The following MLIP variants were observed in gnomAD, a reference collection of about 807,000 sequenced individuals.
The protein encoded by MLIP is muscular LMNA interacting protein.
In MLIP, 79 loss-of-function variants were observed where a neutral mutation model predicts 84.8. The observed-to-expected ratio is 0.93, with a 90% CI of 0.78 to 1.12. The LOEUF (loss-of-function observed/expected upper bound fraction) is 1.12. Among genes scored for constraint, MLIP ranks in the 50% most tolerant of loss-of-function variants. The pLI is 0.00. For synonymous variants in MLIP, 504 were observed against 463.0 expected (o/e 1.09, Z -1.14); for missense variants, 1,257 against 1,160.6 (o/e 1.08, Z -1.21).
chr6:54,040,075 T>C (rs1764658185), intron 1 of MLIP, among the ~76,000 whole-genome samples: 1 of 152,048 alleles, frequency 6.6e-6, no homozygotes, highest in Non-Finnish European at 1.5e-5. Flanking sequence ...TTGTCTCTCA[T>C]CATTTTTGAG....
intron 2 of MLIP, among the ~76,000 whole-genome samples, chr6:54,122,537 G>A (rs778153067): frequency 2.6e-5 from 4 of 152,282 alleles, no homozygotes; most frequent in Non-Finnish European, 5.9e-5. Context: ...GACACAATTA[G>A]AAAGGAGTAA....
upstream of MLIP, among the ~76,000 whole-genome samples, chr6:54,106,603 G>A (rs1028804): frequency 0.55 from 84,106 of 152,062 alleles, 25,171 homozygotes; most frequent in South Asian, 0.71. Flanking sequence ...ATTGATGAGC[G>A]ATTCTGAAAA....
chr6:54,019,596 T>C (rs1763386659), intron 1 of MLIP, among the ~76,000 whole-genome samples: 1 of 152,230 alleles, frequency 6.6e-6, no homozygotes, highest in Non-Finnish European at 1.5e-5. Flanking sequence ...CAATTAAATG[T>C]CAATGATTAA....
In MLIP at chr6:54,163,549, A is replaced by G. The variant is rs16884853; in HGVS notation, c.2499+2750A>G. Among the ~76,000 whole-genome samples, 3,146 of 152,094 alleles carry G rather than the reference A, an allele frequency of 0.021. 177 individuals are homozygous for G. In the East Asian group the frequency reaches 0.23, roughly 11 times the overall value. ...GGTAGTTACATATACATTATTAAAG[A>G]CAATTATTATGCTTAATTTTGTATC... On this transcript the variant is annotated intron_variant, in intron 8 of 13. Transcript: ENST00000502396.
intron 4 of MLIP, among the ~76,000 whole-genome samples, chr6:54,142,379 A>G (rs546625148): frequency 1.9e-4 from 29 of 152,188 alleles, no homozygotes; most frequent in Non-Finnish European, 3.8e-4. Flanking sequence ...TCTCAAGGGA[A>G]ATAGAGAAGG....
At chr6:54,206,847 T>C (rs1170773231) in intron 11 of MLIP, among the ~76,000 whole-genome samples, 4 of 152,198 alleles carry the variant, frequency 2.6e-5, no homozygotes, top group Non-Finnish European at 5.9e-5. Flanking sequence ...CAATACTGCC[T>C]TTTACTCTCT....
intron 1 of MLIP, among the ~76,000 whole-genome samples, chr6:54,075,952 A>C (rs1766778183): frequency 6.6e-6 from 1 of 152,216 alleles, no homozygotes; most frequent in African/African-American, 2.4e-5. Flanking sequence ...ATGTTTCATC[A>C]TTACGGAACC....
intron 1 of MLIP, among the ~76,000 whole-genome samples, chr6:54,081,038 T>G (rs1417479781): frequency 6.6e-6 from 1 of 152,170 alleles, no homozygotes; most frequent in East Asian, 1.9e-4. Flanking sequence ...TCTGCCTAAG[T>G]GCCCTTCAAG....
intron 1 of MLIP, among the ~76,000 whole-genome samples, chr6:54,113,970 A>G (rs1769691986): frequency 6.6e-6 from 1 of 152,178 alleles, no homozygotes; most frequent in South Asian, 2.1e-4. Flanking sequence ...GAGACTATCG[A>G]ACAGCCAAGC....
chr6:54,152,204 A>C (rs921577931), intron 5 of MLIP, among the ~76,000 whole-genome samples: 2 of 152,142 alleles, frequency 1.3e-5, no homozygotes, highest in Admixed American at 1.3e-4. Flanking sequence ...CAAGAATGAC[A>C]TGAGGATGAA....
At position 54,160,552 on chromosome 6, in the gene MLIP, G is replaced by A; in HGVS notation, c.2392G>A (p.Glu798Lys). Residue 798 changes from glutamate to lysine, a missense_variant, in exon 7 of 14, where the codon GAG becomes AAG. By Grantham distance (56) the Glu-to-Lys change is moderately conservative. Coordinates refer to ENST00000502396, the MANE Select transcript of MLIP (RefSeq NM_001281747.2). Reference sequence around the variant, plus strand: ...TGCACAGCTCAGGCAGCAAACTGAAGAGCTCTGTGCTACCATTGATAAGGT... The same window carrying A: ...TGCACAGCTCAGGCAGCAAACTGAAAAGCTCTGTGCTACCATTGATAAGGT... The part of the protein sequence containing the change: ...FPAQLRQQTE[E>K]LCATIDKVLQ... 1 of 1,612,610 alleles carries A rather than the reference G, an allele frequency of 6.2e-7. No homozygotes were observed. The highest frequency in any genetic ancestry group is 8.5e-7 in the Non-Finnish European group (1 of 1,179,168).
chr6:54,176,997 G>A (rs899480792), intron 9 of MLIP, among the ~76,000 whole-genome samples: 8 of 151,876 alleles, frequency 5.3e-5, no homozygotes, highest in African/African-American at 1.5e-4. Context: ...TTGGCTAGCC[G>A]TAAGCAGAAA....
chr6:54,216,853 T>C (rs1321927302), intron 11 of MLIP: 2 of 985,268 alleles, frequency 2.0e-6, no homozygotes, highest in African/African-American at 3.5e-5. Context: ...ATCTCTTATT[T>C]CATAGTAACA....
At chr6:54,173,495 A>G (rs1227259545) in intron 9 of MLIP, among the ~76,000 whole-genome samples, 5 of 151,856 alleles carry the variant, frequency 3.3e-5, no homozygotes, top group Non-Finnish European at 5.9e-5. Context: ...ATTAACTCAT[A>G]TCAGATAAGG....
Position 54,169,579 on chromosome 6 carries a change from A to T in MLIP, c.2544+7A>T. On this transcript the variant is annotated splice_region_variant and intron_variant, in intron 9 of 13. Coordinates refer to ENST00000502396, the MANE Select transcript of MLIP (RefSeq NM_001281747.2). The stretch of plus-strand genomic sequence containing the variant: ...TGGTCGAGAAACCAAATATGTAAGT[A>T]CCTTTATAATTATACACACTGCTTT... The T allele has an allele frequency of 6.3e-7, 1 of 1,581,542 alleles. No individual in the cohort carries two copies. Among genetic ancestry groups the T allele is most frequent in the Non-Finnish European group, 8.6e-7 (1 of 1,161,286 alleles).
chr6:54,191,993 A>ATG (rs1017651167), intron 10 of MLIP, among the ~76,000 whole-genome samples: 2 of 150,730 alleles, frequency 1.3e-5, no homozygotes, highest in African/African-American at 4.9e-5. Flanking sequence ...AAATATATAT[A>ATG]TGTGTATATA....
chr6:54,113,781 A>G (rs1769677454), intron 1 of MLIP, among the ~76,000 whole-genome samples: 1 of 152,148 alleles, frequency 6.6e-6, no homozygotes, highest in Non-Finnish European at 1.5e-5. Context: ...TCAAACAGTC[A>G]TCATAGTATC....
intron 1 of MLIP, among the ~76,000 whole-genome samples, chr6:54,105,900 G>A (rs141726035): frequency 6.6e-6 from 1 of 152,238 alleles, no homozygotes; most frequent in African/African-American, 2.4e-5. Context: ...GCTATAGGTT[G>A]TTATGAGAAC....
In MLIP at chr6:54,223,704, AT is replaced by A. The variant is rs542017127; in HGVS notation, c.2719-7005del. On this transcript the variant is annotated intron_variant, in intron 11 of 13. Coordinates refer to ENST00000502396, the MANE Select transcript of MLIP (RefSeq NM_001281747.2). ...AAATTTCTTTGGATTCACTGAGAGT[AT>A]TTTTAATATTGTCTTTCTGGCTTGC... is the stretch of plus-strand genomic sequence containing the variant. 1.1e-4 allele frequency among the ~76,000 whole-genome samples: 17 copies of A among 152,146 alleles called. No homozygotes were observed. The East Asian group carries it at 3.1e-3, about 28-fold the overall frequency.
Sources: gnomAD v4.1 joint callset for allele counts (sites outside exome capture counted in the v4.1 genomes callset) on GRCh38, gnomAD v4.1.1 for gene constraint, MANE v1.5 for transcripts, NCBI Gene and HGNC (gene_info 2026-07-23, HGNC 2026-07-21) for gene names.